TOMM22: variants seen among roughly 807,000 people sequenced by gnomAD.
TOMM22 encodes the protein translocase of outer mitochondrial membrane 22.
A neutral mutation model predicts 17.1 loss-of-function variants in TOMM22; 3 were observed. The observed-to-expected ratio is 0.18, with a 90% CI of 0.08 to 0.45. TOMM22 has a LOEUF of 0.45. Among genes scored for constraint, TOMM22 ranks in the 20% least tolerant of loss-of-function variants. TOMM22 has a pLI of 0.99. For synonymous variants in TOMM22, 91 were observed against 74.0 expected (o/e 1.23, Z -1.18); for missense variants, 159 against 179.5 (o/e 0.89, Z 0.65).
At chr22:38,682,782 T>C (rs567599060) in intron 2 of TOMM22, 97 bp from the exon 3 acceptor site, 6 of 1,012,926 alleles carry the variant, frequency 5.9e-6, no homozygotes, top group Admixed American at 1.7e-5. Context: ...ATCAAAAACA[T>C]TGGAGTATGT....
chr22:38,683,757 T>C lies in TOMM22; in HGVS notation c.355-10T>C, dbSNP rs537414922. On this transcript the variant is annotated splice_polypyrimidine_tract_variant and intron_variant, in intron 3 of 3. Coordinates refer to ENST00000216034, the MANE Select transcript of TOMM22 (RefSeq NM_020243.5). ...GTATGATGCCTTACACCCCTCCTTTTCTTTTCCAGATACTTCTAGGACCTA... is the reference window on the plus strand; with the variant it reads ...GTATGATGCCTTACACCCCTCCTTTCCTTTTCCAGATACTTCTAGGACCTA... The C allele has an allele frequency of 3.1e-6, 5 of 1,613,228 alleles. No individual in the cohort carries two copies. In the African/African-American group the frequency reaches 6.7e-5, roughly 22 times the overall value.
At chr22:38,683,673 G>T in intron 3 of TOMM22, 94 bp from the exon 4 acceptor site, 1 of 903,906 alleles carries the variant, frequency 1.1e-6, no homozygotes, top group South Asian at 1.4e-5. Context: ...TGTGCTTTCA[G>T]TATTATTTTT....
At position 38,682,352 on chromosome 22, in the gene TOMM22, G is replaced by T; in HGVS notation, c.147G>T (p.Trp49Cys). The T allele has an allele frequency of 2.5e-6, 4 of 1,614,216 alleles. No individual in the cohort carries two copies. The highest frequency in any genetic ancestry group is 3.4e-6 in the Non-Finnish European group (4 of 1,180,042). Residue 49 changes from tryptophan to cysteine, a missense_variant, in exon 2 of 4, where the codon TGG (tryptophan) becomes TGT (cysteine). Transcript: ENST00000216034. Reference protein sequence around the residue: ...ELDETLSERLWGLTEMFPERV... With the variant: ...ELDETLSERLCGLTEMFPERV... ...ATGAGACCCTGTCGGAGAGACTATG[G>T]GGCCTGACGGAGATGTTTCCGGAGA... is the stretch of plus-strand genomic sequence containing the variant.
chr22:38,682,464 C>T (rs770090428), intron 2 of TOMM22, 23 bp downstream of exon 2: 1 of 1,600,426 alleles, frequency 6.2e-7, no homozygotes, highest in Non-Finnish European at 8.6e-7. Flanking sequence ...GGCAAAGGCA[C>T]TGGGTACGTG....
At position 38,682,416 on chromosome 22, in the gene TOMM22, C is replaced by G. The variant is rs202240595; in HGVS notation, c.211C>G (p.Leu71Val). 1 of 1,614,202 alleles carries G rather than the reference C, an allele frequency of 6.2e-7. No homozygotes were observed. The highest frequency in any genetic ancestry group is 8.5e-7 in the Non-Finnish European group (1 of 1,180,036). Reference sequence around the variant, plus strand: ...GGCCGGAGCCACTTTTGATCTTTCCCTCTTTGTGGCTCAGAAAATGTACAG... The same window carrying G: ...GGCCGGAGCCACTTTTGATCTTTCCGTCTTTGTGGCTCAGAAAATGTACAG... Reference protein sequence around the residue: ...SAAGATFDLSLFVAQKMYRFS... With the variant: ...SAAGATFDLSVFVAQKMYRFS... The change falls in exon 2 of 4, where the codon CTC becomes GTC. Residue 71 changes from leucine (L) to valine (V), a missense_variant. Transcript: ENST00000216034.
At chr22:38,682,559 C>A in intron 2 of TOMM22, 118 bp downstream of exon 2, 1 of 864,402 alleles carries the variant, frequency 1.2e-6, no homozygotes, top group Non-Finnish European at 1.9e-6. Context: ...TGTACCCTAT[C>A]CTTTCTTAGT....
At position 38,681,996 on chromosome 22, in the gene TOMM22, T is replaced by C; in HGVS notation, c.18T>C (p.Ala6=). Residue 6 remains alanine, a synonymous_variant, in exon 1 of 4, where the codon GCT becomes GCC. Transcript: ENST00000216034. MAAAV[A]AAGAGEPQSP... ...CTACAGTCATGGCTGCCGCCGTCGC[T>C]GCTGCCGGTGCAGGGGAACCCCAGT... 1 of 1,610,940 alleles carries C rather than the reference T, an allele frequency of 6.2e-7. No individual in the cohort carries two copies. Among genetic ancestry groups the C allele is most frequent in the Non-Finnish European group, 8.5e-7 (1 of 1,179,032 alleles).
rs181551250 is a variant in TOMM22 at position 38,682,184 on chromosome 22, G to A, written c.117+89G>A. The A allele has an allele frequency of 9.3e-5, 140 of 1,502,954 alleles. No homozygotes were observed. The Admixed American group carries it at 2.8e-3, about 30-fold the overall frequency. 93.1% of individuals were successfully genotyped at this position (1,502,954 alleles called of 1,614,324 possible). On this transcript the variant is annotated intron_variant, in intron 1 of 3. Coordinates refer to ENST00000216034, the MANE Select transcript of TOMM22 (RefSeq NM_020243.5). ...GGTACGGGATCGGAGCGAAGCGGCT[G>A]CTTTGGGAGGCGGGGTTAGGGGCCC...
In TOMM22 at chr22:38,683,769, A is replaced by G; in HGVS notation, c.357A>G (p.Ile119Met). 1 of 1,613,562 alleles carries G rather than the reference A, an allele frequency of 6.2e-7. No individual in the cohort carries two copies. Among genetic ancestry groups the G allele is most frequent in the Non-Finnish European group, 8.5e-7 (1 of 1,179,612 alleles). Residue 119 changes from isoleucine (I) to methionine (M), a missense_variant and splice_region_variant, in exon 4 of 4, where the codon ATA becomes ATG. Transcript: ENST00000216034. ...ACACCCCTCCTTTTCTTTTCCAGAT[A>G]CTTCTAGGACCTAACACAGGGCTCT... ...EQQQQLQQRQ[I>M]LLGPNTGLSG...
At position 38,682,816 on chromosome 22, in the gene TOMM22, G is replaced by A. The variant is rs1207765987; in HGVS notation, c.237-63G>A. On this transcript the variant is annotated intron_variant, in intron 2 of 3. Coordinates refer to ENST00000216034, the MANE Select transcript of TOMM22 (RefSeq NM_020243.5). ...GTAATGTGAGAGGTTTGGTTACTGG[G>A]TAGTTCTTGCCTGTTTTGTTTGCAT... The A allele has an allele frequency of 7.9e-6, 11 of 1,387,250 alleles. No homozygotes were observed. In the East Asian group the frequency reaches 1.8e-4, roughly 23 times the overall value. 85.9% of individuals were successfully genotyped at this position (1,387,250 alleles called of 1,614,324 possible). A position where few individuals can be genotyped will look rare whatever the true frequency, so the allele number is the denominator to read the frequency against.
chr22:38,685,392 T>A lies in TOMM22; in HGVS notation c.*1551T>A, dbSNP rs1283590110. The A allele has an allele frequency of 6.6e-6, 1 of 152,224 alleles. No homozygotes were observed. Among genetic ancestry groups the A allele is most frequent in the Non-Finnish European group, 1.5e-5 (1 of 68,040 alleles). The allele number at this position is 152,224 out of a possible 1,614,324, so 9.4% of individuals were successfully genotyped here. ...GGATTCTTCAAATTGTCAAGATTAG[T>A]TTTTATAAATTAAAATAGACTGAAA... is the stretch of plus-strand genomic sequence containing the variant. On this transcript the variant is annotated 3_prime_UTR_variant, in exon 4 of 4. Transcript: ENST00000216034.
chr22:38,682,456 C>G lies in TOMM22; in HGVS notation c.236+15C>G, dbSNP rs781287304. The G allele has an allele frequency of 6.2e-7, 1 of 1,606,988 alleles. No individual in the cohort carries two copies. The highest frequency in any genetic ancestry group is 8.5e-7 in the Non-Finnish European group (1 of 1,173,618). On this transcript the variant is annotated intron_variant, in intron 2 of 3. Coordinates refer to ENST00000216034, the MANE Select transcript of TOMM22 (RefSeq NM_020243.5). Reference sequence around the variant, plus strand: ...AAAATGTACAGGTAAGGAACGAGGGCAAAGGCACTGGGTACGTGCATGGGA... The same window carrying G: ...AAAATGTACAGGTAAGGAACGAGGGGAAAGGCACTGGGTACGTGCATGGGA...
chr22:38,682,197 G>A (rs1396869142), intron 1 of TOMM22, 102 bp downstream of exon 1: 3 of 1,490,600 alleles, frequency 2.0e-6, no homozygotes, highest in African/African-American at 2.8e-5. Flanking sequence ...TTGGGAGGCG[G>A]GGTTAGGGGC....
At chr22:38,683,134 C>T (rs1458173770) in intron 3 of TOMM22, 138 bp downstream of exon 3, 3 of 38,386 alleles carry the variant, frequency 7.8e-5, no homozygotes, top group South Asian at 3.2e-4. Flanking sequence ...TTGGGGGTGG[C>T]CGGGGGTCGG....
intron 3 of TOMM22, 115 bp from the exon 4 acceptor site, chr22:38,683,652 A>T (rs2092486821): frequency 2.7e-6 from 2 of 751,168 alleles, no homozygotes; most frequent in East Asian, 2.5e-5. Flanking sequence ...ATGCTCTTTT[A>T]GTTGTCTGAC....
intron 3 of TOMM22, among the ~76,000 whole-genome samples, 156 bp downstream of exon 3, chr22:38,683,152 G>A (rs1430395575): frequency 1.3e-4 from 18 of 143,974 alleles, no homozygotes; most frequent in Admixed American, 1.2e-3. Context: ...CGGGGGGGGG[G>A]TTCTGGATGA....
chr22:38,684,955 T>C lies in TOMM22; in HGVS notation c.*1114T>C, dbSNP rs2092492062. ...GCCACCGTGCCCAGCTAGTTTCTTT[T>C]ATTTTTGGTAGAGTCAGGGTTTCGC... On this transcript the variant is annotated 3_prime_UTR_variant, in exon 4 of 4. Coordinates refer to ENST00000216034, the MANE Select transcript of TOMM22 (RefSeq NM_020243.5). 6.6e-6 allele frequency: 1 copy of C among 152,078 alleles called. No homozygotes were observed. Among genetic ancestry groups the C allele is most frequent in the African/African-American group, 2.4e-5 (1 of 41,382 alleles). 9.4% of individuals were successfully genotyped at this position (152,078 alleles called of 1,614,324 possible).
intron 1 of TOMM22, 34 bp downstream of exon 1, chr22:38,682,129 CG>C (rs2092480287): frequency 6.5e-7 from 1 of 1,541,716 alleles, no homozygotes; most frequent in Middle Eastern, 1.8e-4. Context: ...GAGCGGGAAG[CG>C]GGCCCGCTCG....
chr22:38,683,149 G>C (rs1449981617), intron 3 of TOMM22, among the ~76,000 whole-genome samples, 153 bp downstream of exon 3: 1 of 147,962 alleles, frequency 6.8e-6, no homozygotes, highest in East Asian at 2.1e-4. Flanking sequence ...GGTCGGGGGG[G>C]GGGTTCTGGA....
Sources: allele counts gnomAD v4.1 joint callset (sites outside exome capture counted in the v4.1 genomes callset), GRCh38; gene constraint gnomAD v4.1.1; transcripts MANE v1.5; gene names NCBI Gene and HGNC (gene_info 2026-07-23, HGNC 2026-07-21).